CLASP1: variants seen among roughly 807,000 people sequenced by gnomAD.
The protein encoded by CLASP1 is CLIP-associating protein 1.
A neutral mutation model predicts 192.3 loss-of-function variants in CLASP1; 38 were observed. That is an observed-to-expected ratio of 0.20 (90% confidence interval 0.15 to 0.26). CLASP1 has a LOEUF of 0.26. Ranked by LOEUF, CLASP1 falls within the 10% of genes least tolerant of loss-of-function variation. CLASP1 has a pLI of 1.00. For synonymous variants in CLASP1, 691 were observed against 712.8 expected (o/e 0.97, Z 0.49); for missense variants, 1,433 against 1,932.5 (o/e 0.74, Z 4.85).
At chr2:121,566,582 A>G (rs1018219108) in intron 2 of CLASP1, among the ~76,000 whole-genome samples, 1 of 152,252 alleles carries the variant, frequency 6.6e-6, no homozygotes, top group Non-Finnish European at 1.5e-5. Context: ...CCAAAACAGT[A>G]AGCATTGTAG....
intron 2 of CLASP1, among the ~76,000 whole-genome samples, chr2:121,558,856 A>C (rs2058814431): frequency 6.6e-6 from 1 of 152,218 alleles, no homozygotes; most frequent in African/African-American, 2.4e-5. Flanking sequence ...AGAATTTCAG[A>C]GCGAGCCAGA....
intron 19 of CLASP1, among the ~76,000 whole-genome samples, chr2:121,435,011 T>C (rs1324837444): frequency 1.3e-5 from 2 of 151,968 alleles, no homozygotes; most frequent in African/African-American, 4.8e-5. Flanking sequence ...TCTTAAGTTT[T>C]AGATTTCTCT....
intron 19 of CLASP1, among the ~76,000 whole-genome samples, chr2:121,433,437 C>T (rs528232080): frequency 2.0e-5 from 3 of 151,342 alleles, no homozygotes; most frequent in African/African-American, 4.9e-5. Flanking sequence ...GTTTTTCTCC[C>T]GAATTTAAAC....
At chr2:121,635,334 G>A (rs552154363) in intron 1 of CLASP1, among the ~76,000 whole-genome samples, 2 of 152,144 alleles carry the variant, frequency 1.3e-5, no homozygotes, top group East Asian at 3.9e-4. Flanking sequence ...ATGTTGCTTG[G>A]AACTAAAGAG....
At chr2:121,582,437 G>C (rs921553952) in intron 2 of CLASP1, among the ~76,000 whole-genome samples, 5 of 149,894 alleles carry the variant, frequency 3.3e-5, no homozygotes, top group African/African-American at 9.9e-5. Flanking sequence ...AAAAAGAAGG[G>C]GGGAAGGAGG....
In CLASP1 at chr2:121,448,933, A is replaced by G; in HGVS notation, c.1691+20T>C. ...AATACAAATTCTCACATGAATGATA[A>G]GCAAAGATGAATCTCTTACTTTAGA... On this transcript the variant is annotated intron_variant, in intron 17 of 39. Coordinates refer to ENST00000263710, the Ensembl canonical transcript of CLASP1. The G allele has an allele frequency of 6.2e-7, 1 of 1,600,808 alleles. No homozygotes were observed. Among genetic ancestry groups the G allele is most frequent in the Non-Finnish European group, 8.5e-7 (1 of 1,173,296 alleles).
At chr2:121,636,646 C>T (rs1276269143) in intron 1 of CLASP1, among the ~76,000 whole-genome samples, 1 of 151,844 alleles carries the variant, frequency 6.6e-6, no homozygotes, top group Non-Finnish European at 1.5e-5. Context: ...GCCTGGGCAA[C>T]AAGAGCAAAA....
At chr2:121,509,547 T>A (rs1318358649) in intron 7 of CLASP1, among the ~76,000 whole-genome samples, 1 of 152,122 alleles carries the variant, frequency 6.6e-6, no homozygotes, top group Non-Finnish European at 1.5e-5. Context: ...TAAGCCTCAA[T>A]AAATTTCAAG....
At chr2:121,480,733 C>T (rs1461539505) in intron 8 of CLASP1, among the ~76,000 whole-genome samples, 2 of 152,218 alleles carry the variant, frequency 1.3e-5, no homozygotes, top group Admixed American at 6.5e-5. Context: ...CACCCTCCCC[C>T]ACTCTCAGAG....
chr2:121,607,053 C>T (rs1386779494), intron 1 of CLASP1, among the ~76,000 whole-genome samples: 2 of 150,984 alleles, frequency 1.3e-5, no homozygotes, highest in African/African-American at 4.9e-5. Context: ...GCAACTCCGT[C>T]AAAAAAGGCC....
At chr2:121,553,484 A>T (rs2058232359) in intron 2 of CLASP1, among the ~76,000 whole-genome samples, 2 of 151,750 alleles carry the variant, frequency 1.3e-5, no homozygotes, top group East Asian at 3.9e-4. Flanking sequence ...TGGGAGGATC[A>T]TGAGGTCAGG....
intron 19 of CLASP1, among the ~76,000 whole-genome samples, chr2:121,440,381 A>G (rs1459360586): frequency 6.6e-6 from 1 of 152,206 alleles, no homozygotes; most frequent in Non-Finnish European, 1.5e-5. Flanking sequence ...GCTCTGTGGT[A>G]ATTAGGGGAA....
chr2:121,357,072 G>A (rs1265022132), intron 37 of CLASP1, among the ~76,000 whole-genome samples: 1 of 152,126 alleles, frequency 6.6e-6, no homozygotes, highest in Non-Finnish European at 1.5e-5. Context: ...AAAACCCATG[G>A]CATTTCCTAG....
intron 2 of CLASP1, among the ~76,000 whole-genome samples, chr2:121,543,057 T>C (rs559717771): frequency 4.6e-5 from 7 of 152,354 alleles, no homozygotes; most frequent in African/African-American, 1.4e-4. Context: ...CTAGTGCAAA[T>C]GCAGAACAGG....
At chr2:121,613,645 C>A (rs891163521) in intron 1 of CLASP1, among the ~76,000 whole-genome samples, 2 of 149,980 alleles carry the variant, frequency 1.3e-5, no homozygotes, top group Non-Finnish European at 3.0e-5. Flanking sequence ...AAAAAAATAG[C>A]ACCTATCTCC....
intron 10 of CLASP1, among the ~76,000 whole-genome samples, chr2:121,462,292 T>C (rs958312686): frequency 1.3e-5 from 2 of 152,176 alleles, no homozygotes; most frequent in African/African-American, 4.8e-5. Context: ...CTCTTTTATG[T>C]GACCTGATCC....
intron 9 of CLASP1, among the ~76,000 whole-genome samples, chr2:121,465,629 CA>C (rs1160945822): frequency 6.6e-6 from 1 of 151,678 alleles, no homozygotes; most frequent in African/African-American, 2.4e-5. Context: ...CCATCCCCAT[CA>C]AGCTACCAAT....
chr2:121,417,534 A>G (rs546467558), intron 23 of CLASP1, among the ~76,000 whole-genome samples: 14 of 152,288 alleles, frequency 9.2e-5, no homozygotes, highest in African/African-American at 3.4e-4. Flanking sequence ...AATAGGTGAC[A>G]TGCAATAGGT....
At chr2:121,514,476 A>C (rs1371253646) in intron 7 of CLASP1, among the ~76,000 whole-genome samples, 1 of 152,156 alleles carries the variant, frequency 6.6e-6, no homozygotes, top group Non-Finnish European at 1.5e-5. Flanking sequence ...CAAAGACCAG[A>C]AGGCTGAGGT....
Sources: gnomAD v4.1 joint callset for allele counts (sites outside exome capture counted in the v4.1 genomes callset) on GRCh38, gnomAD v4.1.1 for gene constraint, MANE v1.5 for transcripts, NCBI Gene and HGNC (gene_info 2026-07-23, HGNC 2026-07-21) for gene names.